Variants in MAGI2 observed in about 807,000 individuals in gnomAD.
MAGI2 encodes the protein membrane-associated guanylate kinase, WW and PDZ domain-containing protein 2.
MAGI2 carries 35 observed loss-of-function variants against 133.3 expected under a neutral mutation model. The observed-to-expected ratio is 0.26, with a 90% confidence interval of 0.20 to 0.35. The LOEUF is 0.35. Ranked by LOEUF, MAGI2 falls within the 10% of genes least tolerant of loss-of-function variation. The pLI is 1.00. For synonymous variants in MAGI2, 729 were observed against 710.6 expected (o/e 1.03, Z -0.41); for missense variants, 1,636 against 1,863.4 (o/e 0.88, Z 2.25).
At chr7:79,438,994 C>T (rs1231971727) in intron 1 of MAGI2, among the ~76,000 whole-genome samples, 3 of 152,144 alleles carry the variant, frequency 2.0e-5, no homozygotes, top group Non-Finnish European at 4.4e-5. Context: ...GTAAGGCCTT[C>T]CTTTATATGG....
chr7:78,706,265 G>A (rs1430326828), intron 2 of MAGI2, among the ~76,000 whole-genome samples: 1 of 151,992 alleles, frequency 6.6e-6, no homozygotes, highest in Non-Finnish European at 1.5e-5. Context: ...TCTTGTGATA[G>A]TGAGTAAGTC....
chr7:78,467,808 A>C (rs914177879), intron 6 of MAGI2, among the ~76,000 whole-genome samples: 13 of 152,168 alleles, frequency 8.5e-5, no homozygotes, highest in Non-Finnish European at 1.5e-4. Flanking sequence ...AGACAAAGAA[A>C]GTATGTGAAA....
At chr7:79,418,834 C>T (rs1585909268) in intron 1 of MAGI2, among the ~76,000 whole-genome samples, 1 of 29,196 alleles carries the variant, frequency 3.4e-5, no homozygotes, top group Non-Finnish European at 5.2e-5. Context: ...TACACATACA[C>T]ACACACACAC....
At chr7:78,180,732 T>A (rs892813675) in intron 13 of MAGI2, among the ~76,000 whole-genome samples, 4 of 144,234 alleles carry the variant, frequency 2.8e-5, no homozygotes, top group Middle Eastern at 3.4e-3. Context: ...GGTGGCCAGC[T>A]TCATGGTTCA....
In MAGI2 at chr7:78,497,760, C is replaced by G. The variant is rs903165630; in HGVS notation, c.965+3817G>C. ...TCTATCTATCTATCTATCTATCTAT[C>G]TATCTTTCTATCTTATACACAGAAC... On this transcript the variant is annotated intron_variant, in intron 5 of 21. Transcript: ENST00000354212. Among the ~76,000 whole-genome samples, 7 of 146,178 alleles carry G rather than the reference C, an allele frequency of 4.8e-5. 1 individual carries two copies. Among genetic ancestry groups the G allele is most frequent in the Admixed American group, 2.7e-4 (4 of 14,898 alleles).
At chr7:78,843,799 C>G (rs489414) in intron 2 of MAGI2, among the ~76,000 whole-genome samples, 9,521 of 150,714 alleles carry the variant, frequency 0.063, 369 homozygotes, top group Middle Eastern at 0.11. Context: ...ATTTTTTAAA[C>G]GACAAAAATC....
chr7:78,246,474 G>C (rs573540401), intron 10 of MAGI2, among the ~76,000 whole-genome samples: 3 of 152,128 alleles, frequency 2.0e-5, no homozygotes, highest in Admixed American at 1.3e-4. Context: ...GTTGGGCTGA[G>C]ACACCCTGGC....
chr7:78,716,540 C>G (rs1037492746), intron 2 of MAGI2, among the ~76,000 whole-genome samples: 1 of 152,108 alleles, frequency 6.6e-6, no homozygotes, highest in African/African-American at 2.4e-5. Flanking sequence ...AGAGGGAAAA[C>G]ATTAAAAATT....
intron 6 of MAGI2, among the ~76,000 whole-genome samples, chr7:78,376,683 T>A (rs1031953609): frequency 7.2e-5 from 11 of 152,122 alleles, no homozygotes; most frequent in African/African-American, 2.4e-4. Flanking sequence ...ATATAGTCAA[T>A]AGTATTTTGG....
At chr7:79,376,220 C>T (rs1047312616) in intron 1 of MAGI2, among the ~76,000 whole-genome samples, 1 of 151,846 alleles carries the variant, frequency 6.6e-6, no homozygotes, top group Admixed American at 6.6e-5. Context: ...TTTTCCTATA[C>T]ATACATACCT....
intron 10 of MAGI2, among the ~76,000 whole-genome samples, chr7:78,238,295 A>G (rs1357346561): frequency 7.9e-5 from 12 of 152,044 alleles, no homozygotes; most frequent in Non-Finnish European, 1.8e-4. Context: ...CTCAAGCTTG[A>G]CATGTCCCAG....
At chr7:79,164,459 T>C (rs1248069849) in intron 1 of MAGI2, among the ~76,000 whole-genome samples, 1 of 152,054 alleles carries the variant, frequency 6.6e-6, no homozygotes, top group Non-Finnish European at 1.5e-5. Flanking sequence ...AGATCTTTTT[T>C]TTCCAGGCCC....
chr7:79,318,610 G>T (rs1838928089), intron 1 of MAGI2, among the ~76,000 whole-genome samples: 1 of 152,042 alleles, frequency 6.6e-6, no homozygotes. Flanking sequence ...TAATATATTA[G>T]GCATGTGTTA....
chr7:78,503,500 C>T (rs926193880), intron 4 of MAGI2, among the ~76,000 whole-genome samples: 34 of 149,220 alleles, frequency 2.3e-4, no homozygotes, highest in Non-Finnish European at 1.0e-4. Context: ...GTAAGTCTCA[C>T]GAGATCTGAT....
chr7:78,279,240 T>C (rs772203996), intron 9 of MAGI2, among the ~76,000 whole-genome samples: 1 of 152,144 alleles, frequency 6.6e-6, no homozygotes, highest in Non-Finnish European at 1.5e-5. Flanking sequence ...GAACTCTCAG[T>C]TAAACACACA....
chr7:79,207,772 C>A (rs1310055930), intron 1 of MAGI2, among the ~76,000 whole-genome samples: 1 of 151,968 alleles, frequency 6.6e-6, no homozygotes, highest in South Asian at 2.1e-4. Flanking sequence ...AGGCATCACA[C>A]TTCTTGACTT....
chr7:78,782,040 T>C (rs1311347663), intron 2 of MAGI2, among the ~76,000 whole-genome samples: 14 of 152,208 alleles, frequency 9.2e-5, no homozygotes, highest in Non-Finnish European at 1.6e-4. Flanking sequence ...GTTCAGATTT[T>C]TCAAAATTCA....
In MAGI2 at chr7:78,036,287, A is replaced by G. The variant is rs371190990; in HGVS notation, c.3707-16311T>C. ...TTGTGCAAATTACTTAACTTCTCCA[A>G]TCATAAGTGATATAATATCTATCCC... On this transcript the variant is annotated intron_variant, in intron 21 of 21. Coordinates refer to ENST00000354212, the MANE Select transcript of MAGI2 (RefSeq NM_012301.4). Among the ~76,000 whole-genome samples, 146 of 152,314 alleles carry G rather than the reference A, an allele frequency of 9.6e-4. No individual in the cohort carries two copies. The South Asian group carries it at 0.024, about 25-fold the overall frequency.
At chr7:79,167,334 A>G (rs1328910629) in intron 1 of MAGI2, among the ~76,000 whole-genome samples, 5 of 149,026 alleles carry the variant, frequency 3.4e-5, no homozygotes, top group Non-Finnish European at 5.9e-5. Context: ...TCCCTATCAC[A>G]GCTGAAAACA....
Sources: gnomAD v4.1 joint callset for allele counts (sites outside exome capture counted in the v4.1 genomes callset) on GRCh38, gnomAD v4.1.1 for gene constraint, MANE v1.5 for transcripts, NCBI Gene and HGNC (gene_info 2026-07-23, HGNC 2026-07-21) for gene names.